The following DEPDC1B variants were observed in gnomAD, a reference collection of about 807,000 sequenced individuals.
DEPDC1B encodes the protein DEP domain-containing protein 1B.
Under a neutral mutation model 66.5 loss-of-function variants are expected in DEPDC1B, and 51 were observed. That is an observed-to-expected ratio of 0.77 (90% CI 0.61 to 0.97). DEPDC1B has a LOEUF of 0.97. Ranked by LOEUF, DEPDC1B falls within the 50% of genes least tolerant of loss-of-function variation. The pLI is 0.00. For missense variants in DEPDC1B, 552 were observed against 637.1 expected (o/e 0.87, Z 1.44); for synonymous variants, 226 against 223.6 (o/e 1.01, Z -0.10).
intron 7 of DEPDC1B, among the ~76,000 whole-genome samples, chr5:60,622,767 A>T (rs968793167): frequency 2.0e-5 from 3 of 152,162 alleles, no homozygotes; most frequent in Non-Finnish European, 4.4e-5. Context: ...TTTAATCTGC[A>T]TTTCCTGTAT....
chr5:60,623,591 G>A (rs1337135243), intron 7 of DEPDC1B, among the ~76,000 whole-genome samples: 2 of 152,102 alleles, frequency 1.3e-5, no homozygotes, highest in Non-Finnish European at 2.9e-5. Flanking sequence ...AATAATCCAT[G>A]TATCAATTTT....
At chr5:60,660,810 A>G (rs1259036735) in intron 2 of DEPDC1B, among the ~76,000 whole-genome samples, 3 of 152,236 alleles carry the variant, frequency 2.0e-5, no homozygotes, top group African/African-American at 7.2e-5. Context: ...AGAGGATTTA[A>G]ATCTTAATTA....
chr5:60,604,236 T>TTTTTTTC (rs1752266498), intron 8 of DEPDC1B, among the ~76,000 whole-genome samples: 1 of 141,124 alleles, frequency 7.1e-6, no homozygotes. Flanking sequence ...TTTTTTTTTT[T>TTTTTTTC]TTTTTACGGA....
In DEPDC1B at chr5:60,664,409, A is replaced by G. The variant is rs575881308; in HGVS notation, c.315-16876T>C. On this transcript the variant is annotated intron_variant, in intron 2 of 10. Coordinates refer to ENST00000265036, the MANE Select transcript of DEPDC1B (RefSeq NM_018369.3). ...TAATGTGAACAGCATACTCACTGCTAAAGGAGACTTGTGGCTGTCAGACAA... is the reference window on the plus strand; with the variant it reads ...TAATGTGAACAGCATACTCACTGCTGAAGGAGACTTGTGGCTGTCAGACAA... Among the ~76,000 whole-genome samples, 744 of 152,356 alleles carry G rather than the reference A, an allele frequency of 4.9e-3. 7 individuals carry two copies. Among genetic ancestry groups the G allele is most frequent in the African/African-American group, 0.017 (705 of 41,582 alleles).
chr5:60,665,501 C>A (rs1402800371), intron 2 of DEPDC1B, among the ~76,000 whole-genome samples: 1 of 152,194 alleles, frequency 6.6e-6, no homozygotes, highest in African/African-American at 2.4e-5. Flanking sequence ...CAGATGCAGT[C>A]CATGATGAAG....
chr5:60,604,307 G>A (rs2606688), intron 8 of DEPDC1B, among the ~76,000 whole-genome samples: 7,875 of 130,672 alleles, frequency 0.06, 454 homozygotes, highest in African/African-American at 0.16. Flanking sequence ...TGTAACCTCC[G>A]CCTCCCAGGT....
chr5:60,629,338 T>A (rs2111815337), intron 7 of DEPDC1B, among the ~76,000 whole-genome samples: 1 of 152,354 alleles, frequency 6.6e-6, no homozygotes, highest in African/African-American at 2.4e-5. Flanking sequence ...TATACTGATT[T>A]CATTTTCTTA....
rs1369497716 is a variant in DEPDC1B at position 60,597,737 on chromosome 5, T to C, written c.*16A>G. The C allele has an allele frequency of 3.1e-6, 5 of 1,609,628 alleles. No individual in the cohort carries two copies. Among genetic ancestry groups the C allele is most frequent in the Non-Finnish European group, 4.2e-6 (5 of 1,178,688 alleles). On this transcript the variant is annotated 3_prime_UTR_variant, in exon 11 of 11. Transcript: ENST00000265036. ...AACAACAGTGGTCTCTAGCACCTGT[T>C]GCTGTGGAAGTATTATTACATTCGA...
intron 7 of DEPDC1B, among the ~76,000 whole-genome samples, chr5:60,619,829 C>G (rs1473550727): frequency 1.3e-5 from 2 of 152,138 alleles, no homozygotes; most frequent in Non-Finnish European, 2.9e-5. Flanking sequence ...CCCGCATTAC[C>G]AAATCAATCC....
At chr5:60,647,361 G>A in intron 3 of DEPDC1B, 37 bp downstream of exon 3, 6 of 1,554,224 alleles carry the variant, frequency 3.9e-6, no homozygotes, top group Non-Finnish European at 5.2e-6. Flanking sequence ...GATTCTCCCT[G>A]CTGCCAGCCC....
chr5:60,627,648 A>AAT (rs2111809167), intron 7 of DEPDC1B, among the ~76,000 whole-genome samples: 1 of 152,274 alleles, frequency 6.6e-6, no homozygotes, highest in East Asian at 1.9e-4. Flanking sequence ...TTTCCAAATG[A>AAT]TATAATAGTG....
intron 1 of DEPDC1B, among the ~76,000 whole-genome samples, chr5:60,695,095 C>A (rs1159138306): frequency 3.3e-5 from 5 of 152,024 alleles, no homozygotes; most frequent in African/African-American, 4.8e-5. Flanking sequence ...AATATGTAAA[C>A]CTTTAACTGA....
At chr5:60,640,443 T>C (rs1006033930) in intron 6 of DEPDC1B, among the ~76,000 whole-genome samples, 6 of 152,220 alleles carry the variant, frequency 3.9e-5, no homozygotes, top group Middle Eastern at 3.2e-3. Context: ...GAGGAAGCCA[T>C]ATTTTTATGA....
intron 7 of DEPDC1B, among the ~76,000 whole-genome samples, chr5:60,606,609 CAAAAAAAAAAAAA>C (rs60544270): frequency 3.4e-4 from 16 of 46,626 alleles, no homozygotes; most frequent in South Asian, 7.6e-4. Flanking sequence ...CCCATTTCTA[CAAAAAAAAAAAAA>C]AAAAAAAAAA....
chr5:60,639,552 G>T (rs915586805), intron 6 of DEPDC1B, among the ~76,000 whole-genome samples: 1 of 152,196 alleles, frequency 6.6e-6, no homozygotes, highest in African/African-American at 2.4e-5. Flanking sequence ...ATACTGCAAA[G>T]TTGAAGCAAC....
intron 7 of DEPDC1B, among the ~76,000 whole-genome samples, chr5:60,614,714 G>A (rs1352506660): frequency 6.6e-6 from 1 of 152,190 alleles, no homozygotes; most frequent in East Asian, 1.9e-4. Flanking sequence ...TAGCAGGCCA[G>A]GCATGGTGGC....
Position 60,614,720 on chromosome 5 carries a change from G to A in DEPDC1B, c.899-8864C>T, listed in dbSNP as rs1412617992. Among the ~76,000 whole-genome samples, 6 of 152,306 alleles carry A rather than the reference G, an allele frequency of 3.9e-5. No homozygotes were observed. The East Asian group carries it at 1.2e-3, about 29-fold the overall frequency. ...AGTTATTATTAGCAGGCCAGGCATG[G>A]TGGCTGATGCCTGTAATCCCAGCAC... is the stretch of plus-strand genomic sequence containing the variant. On this transcript the variant is annotated intron_variant, in intron 7 of 10. Transcript: ENST00000265036.
At chr5:60,624,616 C>T (rs534742831) in intron 7 of DEPDC1B, among the ~76,000 whole-genome samples, 54 of 152,212 alleles carry the variant, frequency 3.5e-4, no homozygotes, top group African/African-American at 1.2e-3. Flanking sequence ...CCATCTGGAC[C>T]TGGAGTTCTA....
intron 7 of DEPDC1B, among the ~76,000 whole-genome samples, chr5:60,623,176 C>A (rs1291134591): frequency 6.6e-6 from 1 of 152,140 alleles, no homozygotes; most frequent in Non-Finnish European, 1.5e-5. Context: ...ATACAGTATA[C>A]AGTATAAAGG....
Sources: gnomAD v4.1 joint callset for allele counts (sites outside exome capture counted in the v4.1 genomes callset) on GRCh38, gnomAD v4.1.1 for gene constraint, MANE v1.5 for transcripts, NCBI Gene and HGNC (gene_info 2026-07-23, HGNC 2026-07-21) for gene names.